ALPK3: variants seen among roughly 807,000 people sequenced by gnomAD.
ALPK3 encodes the protein alpha-protein kinase 3.
A neutral mutation model predicts 140.0 loss-of-function variants in ALPK3; 102 were observed. The ratio of observed to expected loss-of-function variants is 0.73; its 90% CI spans 0.62 to 0.86. The LOEUF is 0.86. ALPK3 is among the 40% of genes least tolerant of loss of function. The pLI is 0.00. For synonymous variants in ALPK3, 938 were observed against 898.5 expected, an observed-to-expected ratio of 1.04 and a Z score of -0.79; for missense variants, 2,254 against 2,208.2, an observed-to-expected ratio of 1.02 and a Z score of -0.42.
Position 84,860,157 on chromosome 15 carries a change from C to T in ALPK3, c.4129+85C>T. 5 of 1,500,268 alleles carry T rather than the reference C, an allele frequency of 3.3e-6. No homozygotes were observed. The South Asian group carries it at 5.7e-5, about 17-fold the overall frequency. 92.9% of individuals were successfully genotyped at this position (1,500,268 alleles called of 1,614,324 possible). On this transcript the variant is annotated intron_variant, in intron 9 of 13. Transcript: ENST00000258888. ...CCTCTTTAAGGGCTTGGAATCTGGTCCCAATCCACATACTGCTCCTCTTTG... is the reference window on the plus strand; with the variant it reads ...CCTCTTTAAGGGCTTGGAATCTGGTTCCAATCCACATACTGCTCCTCTTTG...
intron 12 of ALPK3, among the ~76,000 whole-genome samples, chr15:84,865,376 A>T (rs973398274): frequency 1.1e-4 from 16 of 152,110 alleles, no homozygotes; most frequent in African/African-American, 2.7e-4. Context: ...AAAACTAGAG[A>T]CCAGAGATAT....
At chr15:84,847,984 C>G (rs1029978953) in intron 5 of ALPK3, among the ~76,000 whole-genome samples, 1 of 151,628 alleles carries the variant, frequency 6.6e-6, no homozygotes. Context: ...ATCACTTGAA[C>G]CTAGGAGGCA....
chr15:84,836,814 C>T (rs1321260209), intron 3 of ALPK3, among the ~76,000 whole-genome samples: 3 of 152,060 alleles, frequency 2.0e-5, no homozygotes, highest in African/African-American at 7.2e-5. Flanking sequence ...ATTAGGACCT[C>T]CTGGGTTGTG....
intron 3 of ALPK3, among the ~76,000 whole-genome samples, chr15:84,835,037 G>A (rs1394091744): frequency 1.3e-5 from 2 of 152,208 alleles, no homozygotes; most frequent in Non-Finnish European, 1.5e-5. Context: ...CCCAGCCCTG[G>A]GGCTGTGGGG....
chr15:84,817,696 GC>G, intron 1 of ALPK3, 101 bp downstream of exon 1: 1 of 1,300,796 alleles, frequency 7.7e-7, no homozygotes, highest in Non-Finnish European at 9.8e-7. Flanking sequence ...CTGGGCCTGC[GC>G]CCTCGAGCCC....
At chr15:84,859,998 C>G in intron 8 of ALPK3, 39 bp from the exon 9 acceptor site, 1 of 1,614,008 alleles carries the variant, frequency 6.2e-7, no homozygotes, top group Non-Finnish European at 8.5e-7. Context: ...CTTGGCACAG[C>G]AGCCTGAAGG....
Position 84,839,910 on chromosome 15 carries a change from GA to G in ALPK3, c.632del (p.Asp211AlafsTer17). On this transcript the variant is annotated frameshift_variant, in exon 5 of 14. Transcript: ENST00000258888. LOFTEE classifies it high-confidence loss of function. ...CGAGAAGGCGGTGCCTGGGGAGGTCGACACTCTGCGCAAGCTCAGCCCCGAC... is the reference window on the plus strand; with the variant it reads ...CGAGAAGGCGGTGCCTGGGGAGGTCGCACTCTGCGCAAGCTCAGCCCCGAC... The part of the protein sequence containing the change: ...KHEKAVPGEV[D>X]TLRKLSPDRF... 1 of 1,613,894 alleles carries G rather than the reference GA, an allele frequency of 6.2e-7. No homozygotes were observed. The highest frequency in any genetic ancestry group is 1.1e-5 in the South Asian group (1 of 91,082).
intron 6 of ALPK3, among the ~76,000 whole-genome samples, chr15:84,858,869 T>A (rs1303130557): frequency 2.6e-5 from 4 of 152,064 alleles, no homozygotes; most frequent in Non-Finnish European, 5.9e-5. Flanking sequence ...CACCATTCAG[T>A]CCCCCTTTAC....
At position 84,868,894 on chromosome 15, in the gene ALPK3, T is replaced by C. The variant is rs1964035477; in HGVS notation, c.*438T>C. 1.1e-5 allele frequency: 2 copies of C among 181,974 alleles called. No individual in the cohort carries two copies. Among genetic ancestry groups the C allele is most frequent in the African/African-American group, 4.7e-5 (2 of 42,566 alleles). The allele number at this position is 181,974 out of a possible 1,614,324, so 11.3% of individuals were successfully genotyped here. On this transcript the variant is annotated 3_prime_UTR_variant, in exon 14 of 14. Coordinates refer to ENST00000258888, the MANE Select transcript of ALPK3 (RefSeq NM_020778.5). ...CCCTCCTGCATTTGCCTGGCCCTGA[T>C]CTCGCCTGTCCTCAGGGATCCAGAC... is the stretch of plus-strand genomic sequence containing the variant.
Position 84,864,173 on chromosome 15 carries a change from C to G in ALPK3, c.4500-269C>G, listed in dbSNP as rs532190028. On this transcript the variant is annotated intron_variant, in intron 11 of 13. Transcript: ENST00000258888. ...CACATACATGCCTCAATCCCTCACCCAAGCCACACAGTCTGCCTATGCCCA... is the reference window on the plus strand; with the variant it reads ...CACATACATGCCTCAATCCCTCACCGAAGCCACACAGTCTGCCTATGCCCA... 3.3e-5 allele frequency among the ~76,000 whole-genome samples: 5 copies of G among 152,316 alleles called. No individual in the cohort carries two copies. In the East Asian group the frequency reaches 9.6e-4, roughly 29 times the overall value.
intron 6 of ALPK3, among the ~76,000 whole-genome samples, chr15:84,858,968 T>C (rs900638597): frequency 1.3e-5 from 2 of 152,204 alleles, no homozygotes; most frequent in Non-Finnish European, 2.9e-5. Flanking sequence ...CTGAAGTTCC[T>C]GTCTCAACTG....
rs1963549056 is a variant in ALPK3, at chr15:84,831,896, T to A, written c.304+4291T>A. Among the ~76,000 whole-genome samples, 3 of 152,212 alleles carry A rather than the reference T, an allele frequency of 2.0e-5. No individual in the cohort carries two copies. In the South Asian group the frequency reaches 6.2e-4, roughly 32 times the overall value. On this transcript the variant is annotated intron_variant, in intron 3 of 13. Coordinates refer to ENST00000258888, the MANE Select transcript of ALPK3 (RefSeq NM_020778.5). ...CTTGCTAGGTTTCCTAGCGAAAGGTTTTCTGGGAGTTATGCAGATCAGAGG... is the reference window on the plus strand; with the variant it reads ...CTTGCTAGGTTTCCTAGCGAAAGGTATTCTGGGAGTTATGCAGATCAGAGG...
At chr15:84,839,158 C>A (rs1963628249) in intron 4 of ALPK3, 61 bp downstream of exon 4, 2 of 1,409,264 alleles carry the variant, frequency 1.4e-6, no homozygotes, top group Non-Finnish European at 2.0e-6. Flanking sequence ...GGCTGGGGTC[C>A]TGCCCTCAGA....
At position 84,858,417 on chromosome 15, in the gene ALPK3, C is replaced by T; in HGVS notation, c.3679C>T (p.Pro1227Ser). The T allele has an allele frequency of 6.4e-7, 1 of 1,559,240 alleles. No individual in the cohort carries two copies. The highest frequency in any genetic ancestry group is 8.7e-7 in the Non-Finnish European group (1 of 1,154,466). Reference sequence around the variant, plus strand: ...CAGAAAGGCGAGCATGCTGGAGGTGCCTCGGGCAGAGGAGGAGCTGGCGGC... The same window carrying T: ...CAGAAAGGCGAGCATGCTGGAGGTGTCTCGGGCAGAGGAGGAGCTGGCGGC... Reference protein sequence around the residue: ...QGRKASMLEVPRAEEELAAGD... With the variant: ...QGRKASMLEVSRAEEELAAGD... Residue 1227 changes from proline (P) to serine (S), a missense_variant, in exon 6 of 14, where the codon CCT (proline) becomes TCT (serine). By Grantham distance (74) the Pro-to-Ser change is moderately conservative. This residue lies in a region of ALPK3 where 2,088 missense variants were observed against 2,022.9 expected (regional missense o/e 1.03). Coordinates refer to ENST00000258888, the MANE Select transcript of ALPK3 (RefSeq NM_020778.5).
chr15:84,842,955 A>G (rs1180305320), intron 5 of ALPK3, among the ~76,000 whole-genome samples: 1 of 152,162 alleles, frequency 6.6e-6, no homozygotes, highest in Non-Finnish European at 1.5e-5. Flanking sequence ...CTCATAGCTC[A>G]TTTAGGAAGG....
At chr15:84,824,900 G>A (rs1214184049) in intron 2 of ALPK3, among the ~76,000 whole-genome samples, 1 of 152,156 alleles carries the variant, frequency 6.6e-6, no homozygotes, top group Non-Finnish European at 1.5e-5. Context: ...CGAATGGTTT[G>A]GAGGACGGGG....
At chr15:84,864,984 A>G (rs958734696) in intron 12 of ALPK3, among the ~76,000 whole-genome samples, 1 of 152,104 alleles carries the variant, frequency 6.6e-6, no homozygotes. Flanking sequence ...ACCCTTTTCA[A>G]AAACCTCCCT....
At chr15:84,823,263 C>G in intron 1 of ALPK3, 67 bp from the exon 2 acceptor site, 1 of 1,570,114 alleles carries the variant, frequency 6.4e-7, no homozygotes, top group African/African-American at 1.4e-5. Flanking sequence ...TAGTTTGCGA[C>G]TGTTGATTTC....
At chr15:84,844,182 T>G (rs1443579263) in intron 5 of ALPK3, among the ~76,000 whole-genome samples, 1 of 152,096 alleles carries the variant, frequency 6.6e-6, no homozygotes. Context: ...GAGCTGAGAT[T>G]GCACCACTGC....
Sources: allele counts gnomAD v4.1 joint callset (sites outside exome capture counted in the v4.1 genomes callset), GRCh38; gene constraint gnomAD v4.1.1; regional missense constraint gnomAD v4.1.1; transcripts MANE v1.5; gene names NCBI Gene and HGNC (gene_info 2026-07-23, HGNC 2026-07-21).